PDS5A: variants seen among roughly 807,000 people sequenced by gnomAD.
PDS5A encodes sister chromatid cohesion protein PDS5 homolog A.
In PDS5A, 42 loss-of-function variants were observed where a neutral mutation model predicts 167.1. That is an observed-to-expected ratio of 0.25 (90% confidence interval 0.20 to 0.33). The LOEUF (loss-of-function observed/expected upper bound fraction) is 0.33, where lower values mean the gene tolerates loss of function less well. Ranked by LOEUF, PDS5A falls within the 10% of genes least tolerant of loss-of-function variation. The pLI is 1.00. For missense variants in PDS5A, 1,033 were observed against 1,605.9 expected (o/e 0.64, Z 6.10); for synonymous variants, 553 against 554.6 (o/e 1.00, Z 0.04).
At position 39,833,308 on chromosome 4, in the gene PDS5A, GGAA is replaced by G. The variant is rs199980890; in HGVS notation, c.4010+4545_4010+4547del. Among the ~76,000 whole-genome samples, 310 of 152,086 alleles carry G rather than the reference GGAA, an allele frequency of 2.0e-3. 3 individuals are homozygous for G. Among genetic ancestry groups the G allele is most frequent in the South Asian group, 4.6e-3 (22 of 4,814 alleles). ...ATCAAATGTCTGGTGAAGCTTGGGT[GGAA>G]GAATGGCGAAATCACTGATGCTTTA... is the stretch of plus-strand genomic sequence containing the variant. On this transcript the variant is annotated intron_variant, in intron 32 of 32. Transcript: ENST00000303538.
chr4:39,839,997 G>A (rs1156587137), intron 31 of PDS5A, among the ~76,000 whole-genome samples: 1 of 152,096 alleles, frequency 6.6e-6, no homozygotes, highest in East Asian at 1.9e-4. Flanking sequence ...AGGAGGCTGA[G>A]GCAGGAGAAT....
chr4:39,920,597 G>A (rs191284717), intron 6 of PDS5A, among the ~76,000 whole-genome samples, 198 bp from the exon 7 acceptor site: 2 of 152,274 alleles, frequency 1.3e-5, no homozygotes, highest in East Asian at 1.9e-4. Context: ...AAATGCAGAC[G>A]TTGCAAATCG....
At position 39,849,533 on chromosome 4, in the gene PDS5A, G is replaced by A; in HGVS notation, c.3206C>T (p.Ser1069Phe). 1 of 1,609,050 alleles carries A rather than the reference G, an allele frequency of 6.2e-7. No individual in the cohort carries two copies. The highest frequency in any genetic ancestry group is 1.7e-5 in the Admixed American group (1 of 59,858). ...LTRDAQSPDE[S>F]KTNEKLYTVC... ...CACTCATCTTACTTCATTTGTCTTG[G>A]ATTCATCTGGAGACTGGGCATCTCT... Residue 1069 changes from serine to phenylalanine, a missense_variant, in exon 27 of 33, where the codon TCC becomes TTC. This residue lies in a region of PDS5A where 367 missense variants were observed against 686.7 expected (regional missense o/e 0.53). Transcript: ENST00000303538.
intron 23 of PDS5A, among the ~76,000 whole-genome samples, chr4:39,863,714 T>G (rs1048990798): frequency 1.3e-5 from 2 of 152,210 alleles, no homozygotes; most frequent in Admixed American, 1.3e-4. Flanking sequence ...GCTTAGATAC[T>G]TCACCACAAC....
intron 17 of PDS5A, among the ~76,000 whole-genome samples, chr4:39,888,687 C>CAAAA (rs33987152): frequency 1.4e-5 from 2 of 144,432 alleles, no homozygotes; most frequent in South Asian, 2.2e-4. Flanking sequence ...AAGCCAAGAA[C>CAAAA]AACAAAAAAA....
intron 17 of PDS5A, among the ~76,000 whole-genome samples, chr4:39,885,497 C>T (rs886066003): frequency 1.3e-5 from 2 of 151,966 alleles, no homozygotes; most frequent in Non-Finnish European, 2.9e-5. Flanking sequence ...TCCACCTACT[C>T]AGGAGGCTGA....
chr4:39,940,406 C>T (rs948359796), intron 2 of PDS5A, among the ~76,000 whole-genome samples: 40 of 152,126 alleles, frequency 2.6e-4, no homozygotes, highest in African/African-American at 9.2e-4. Context: ...TTTCTTTATA[C>T]GTATATTCAC....
At chr4:39,870,947 T>C (rs948845505) in intron 21 of PDS5A, among the ~76,000 whole-genome samples, 5 of 152,036 alleles carry the variant, frequency 3.3e-5, no homozygotes, top group Non-Finnish European at 5.9e-5. Flanking sequence ...GTGGGATATA[T>C]ACAAACAAAA....
intron 17 of PDS5A, among the ~76,000 whole-genome samples, chr4:39,883,391 G>C (rs1297503936): frequency 6.6e-6 from 1 of 152,150 alleles, no homozygotes; most frequent in African/African-American, 2.4e-5. Flanking sequence ...ATGTTGGCCA[G>C]GCTGGTCTTG....
intron 2 of PDS5A, among the ~76,000 whole-genome samples, chr4:39,965,571 GGGAA>G (rs1729896607): frequency 6.6e-6 from 1 of 152,150 alleles, no homozygotes; most frequent in South Asian, 2.1e-4. Context: ...AGCTTTAAAA[GGGAA>G]GGAAGTAATA....
chr4:39,853,010 C>T (rs1718241710), intron 26 of PDS5A, among the ~76,000 whole-genome samples: 1 of 152,172 alleles, frequency 6.6e-6, no homozygotes. Flanking sequence ...ACCTCCTGGG[C>T]TCAAGCAACG....
At chr4:39,923,000 A>G (rs527389722) in intron 5 of PDS5A, among the ~76,000 whole-genome samples, 1 of 152,112 alleles carries the variant, frequency 6.6e-6, no homozygotes, top group Non-Finnish European at 1.5e-5. Context: ...AATTTCTAAT[A>G]AACTACATTT....
At chr4:39,873,580 T>C (rs1005576234) in intron 20 of PDS5A, among the ~76,000 whole-genome samples, 1 of 151,590 alleles carries the variant, frequency 6.6e-6, no homozygotes, top group Admixed American at 6.6e-5. Context: ...ACATTTCTAA[T>C]AGTAAAATGA....
In PDS5A at chr4:39,895,953, C is replaced by T. The variant is rs368476974; in HGVS notation, c.1770+2436G>A. Among the ~76,000 whole-genome samples the T allele has an allele frequency of 4.6e-5, 7 of 151,442 alleles. No homozygotes were observed. The South Asian group carries it at 1.0e-3, about 23-fold the overall frequency. On this transcript the variant is annotated intron_variant, in intron 16 of 32. Coordinates refer to ENST00000303538, the MANE Select transcript of PDS5A (RefSeq NM_001100399.2). ...GTTAGCCAGGATGGTCTCGATCTCC[C>T]GACCTCATGATCTGCCAACCTCGGC...
intron 3 of PDS5A, 64 bp downstream of exon 3, chr4:39,927,897 A>T: frequency 9.0e-7 from 1 of 1,114,494 alleles, no homozygotes; most frequent in Admixed American, 2.3e-5. Context: ...ATATAAAAAT[A>T]AAAGTATACC....
chr4:39,943,770 G>T (rs1727467258), intron 2 of PDS5A, among the ~76,000 whole-genome samples: 1 of 151,764 alleles, frequency 6.6e-6, no homozygotes, highest in African/African-American at 2.4e-5. Context: ...TCGTATCACT[G>T]CACTCCAGCC....
At chr4:39,959,711 T>C (rs759783197) in intron 2 of PDS5A, among the ~76,000 whole-genome samples, 12 of 152,064 alleles carry the variant, frequency 7.9e-5, no homozygotes, top group Non-Finnish European at 1.2e-4. Context: ...TCCCAATACA[T>C]TGGGAGACCG....
chr4:39,898,726 T>C (rs572148352), intron 15 of PDS5A, 51 bp downstream of exon 15: 15 of 1,125,270 alleles, frequency 1.3e-5, no homozygotes, highest in South Asian at 2.7e-5. Context: ...GTAAATACTT[T>C]GTCTGCATTT....
intron 25 of PDS5A, 50 bp downstream of exon 25, chr4:39,862,819 G>T (rs763642631): frequency 3.4e-6 from 4 of 1,175,794 alleles, no homozygotes; most frequent in Non-Finnish European, 5.0e-6. Flanking sequence ...ACCTAAAAAT[G>T]GATACATTGA....
Sources: gnomAD v4.1 joint callset for allele counts (sites outside exome capture counted in the v4.1 genomes callset) on GRCh38, gnomAD v4.1.1 for gene constraint, gnomAD v4.1.1 regional missense constraint, MANE v1.5 for transcripts, NCBI Gene and HGNC (gene_info 2026-07-23, HGNC 2026-07-21) for gene names.